Variants in ZNF341 observed in about 807,000 individuals in gnomAD.
ZNF341 encodes zinc finger protein 341.
A neutral mutation model predicts 87.7 loss-of-function variants in ZNF341; 52 were observed. That is an observed-to-expected ratio of 0.59 (90% CI 0.47 to 0.75). The LOEUF (loss-of-function observed/expected upper bound fraction) is 0.75, where lower values mean the gene tolerates loss of function less well. ZNF341 is among the 30% of genes least tolerant of loss of function. ZNF341 has a pLI of 0.00. For synonymous variants in ZNF341, 459 were observed against 472.7 expected (o/e 0.97, Z 0.38); for missense variants, 977 against 1,145.9 (o/e 0.85, Z 2.13).
At chr20:33,770,739 G>A (rs2019513974) in intron 10 of ZNF341, among the ~76,000 whole-genome samples, 6 of 152,096 alleles carry the variant, frequency 3.9e-5, no homozygotes, top group Admixed American at 3.9e-4. Flanking sequence ...CCAGTACTTT[G>A]GGAGGCCAAG....
intron 10 of ZNF341, among the ~76,000 whole-genome samples, chr20:33,780,130 G>A (rs2019711243): frequency 6.6e-6 from 1 of 152,160 alleles, no homozygotes; most frequent in Non-Finnish European, 1.5e-5. Flanking sequence ...GGTGACATTT[G>A]AGCTGAGATA....
intron 3 of ZNF341, among the ~76,000 whole-genome samples, chr20:33,748,216 C>T (rs769714319): frequency 3.9e-5 from 6 of 152,018 alleles, no homozygotes; most frequent in African/African-American, 1.2e-4. Context: ...GGACTACAGG[C>T]GCGCACTACC....
intron 1 of ZNF341, among the ~76,000 whole-genome samples, chr20:33,737,764 G>A (rs1229236694): frequency 2.0e-5 from 3 of 152,114 alleles, no homozygotes; most frequent in Non-Finnish European, 4.4e-5. Flanking sequence ...ACTCATTGGC[G>A]AGTCTACGTG....
At position 33,732,192 on chromosome 20, in the gene ZNF341, G is replaced by A; in HGVS notation, c.31+140G>A. The A allele has an allele frequency of 9.3e-6, 6 of 641,810 alleles. No homozygotes were observed. The highest frequency in any genetic ancestry group is 9.7e-6 in the Non-Finnish European group (5 of 516,842). 39.8% of individuals were successfully genotyped at this position (641,810 alleles called of 1,614,324 possible). A position where few individuals can be genotyped will look rare whatever the true frequency, so the allele number is the denominator to read the frequency against. On this transcript the variant is annotated intron_variant, in intron 1 of 14. Coordinates refer to ENST00000375200, the MANE Select transcript of ZNF341 (RefSeq NM_001282933.2). The surrounding 1 kb of genome is among the most constrained non-coding windows in gnomAD (Gnocchi z 4.5). Reference sequence around the variant, plus strand: ...GCTGGAACAGCCGCGGGGCGGGAGGGGCGCGGGCGGGAACAGCGCGGGAGC... The same window carrying A: ...GCTGGAACAGCCGCGGGGCGGGAGGAGCGCGGGCGGGAACAGCGCGGGAGC...
At chr20:33,767,089 T>C in intron 9 of ZNF341, 48 bp downstream of exon 9, 1 of 1,573,486 alleles carries the variant, frequency 6.4e-7, no homozygotes, top group Non-Finnish European at 8.6e-7. Flanking sequence ...AGTCGAAACC[T>C]TTCACTGGTG....
chr20:33,755,593 T>C (rs1033883321), intron 5 of ZNF341, among the ~76,000 whole-genome samples: 1 of 144,548 alleles, frequency 6.9e-6, no homozygotes, highest in African/African-American at 2.5e-5. Flanking sequence ...GTTGAATTCT[T>C]TTTTTTTTTT....
chr20:33,768,080 A>G (rs1040199490), intron 9 of ZNF341, among the ~76,000 whole-genome samples: 2 of 152,022 alleles, frequency 1.3e-5, no homozygotes, highest in African/African-American at 4.8e-5. Flanking sequence ...TTGGCTAGAA[A>G]GGAGTCACAT....
chr20:33,739,817 G>A (rs925577772), intron 1 of ZNF341, among the ~76,000 whole-genome samples: 1 of 152,160 alleles, frequency 6.6e-6, no homozygotes, highest in Non-Finnish European at 1.5e-5. Flanking sequence ...GGCAGTCTAA[G>A]ATAGGAAGAT....
Position 33,770,088 on chromosome 20 carries a change from A to T in ZNF341, c.1418A>T (p.Tyr473Phe), listed in dbSNP as rs2019495263. ...HMTQHKNEQV[Y>F]KCVVKSCAQT... ...TGCCCAGCGTCTTCCCTCAAGGTGT[A>T]CAAGTGTGTGGTCAAAAGCTGTGCC... The change falls in exon 10 of 15, where the codon TAC (tyrosine) becomes TTC (phenylalanine). Residue 473 changes from tyrosine to phenylalanine, a missense_variant. By Grantham distance (22) the Tyr-to-Phe change is conservative (BLOSUM62 3). Transcript: ENST00000375200. 6.2e-7 allele frequency: 1 copy of T among 1,612,960 alleles called. No individual in the cohort carries two copies. Among genetic ancestry groups the T allele is most frequent in the East Asian group, 2.2e-5 (1 of 44,876 alleles).
chr20:33,789,076 T>C lies in ZNF341; in HGVS notation c.1964+102T>C, dbSNP rs1235719141. 14 of 784,758 alleles carry C rather than the reference T, an allele frequency of 1.8e-5. No individual in the cohort carries two copies. In the Admixed American group the frequency reaches 3.4e-4, roughly 19 times the overall value. The allele number at this position is 784,758 out of a possible 1,614,324, so 48.6% of individuals were successfully genotyped here. A position where few individuals can be genotyped will look rare whatever the true frequency, so the allele number is the denominator to read the frequency against. On this transcript the variant is annotated intron_variant, in intron 13 of 14. Transcript: ENST00000375200. ...GATGTCAGGCCTGAGGGCAGGCCTCTCCTTTTTTTTTTTTTTGGAGACATA... is the reference window on the plus strand; with the variant it reads ...GATGTCAGGCCTGAGGGCAGGCCTCCCCTTTTTTTTTTTTTTGGAGACATA...
intron 1 of ZNF341, among the ~76,000 whole-genome samples, chr20:33,734,004 AGGCTGTTT>A (rs1305723770): frequency 1.3e-5 from 2 of 152,216 alleles, no homozygotes; most frequent in Non-Finnish European, 2.9e-5. Context: ...CTTTCTCTTT[AGGCTGTTT>A]GGACTTCCTC....
intron 9 of ZNF341, 86 bp from the exon 10 acceptor site, chr20:33,769,998 G>A: frequency 1.2e-6 from 1 of 838,636 alleles, no homozygotes; most frequent in South Asian, 1.5e-5. Flanking sequence ...TTTACCATCA[G>A]TGTCCAAGGC....
chr20:33,743,335 ATT>A (rs143611794), intron 2 of ZNF341, among the ~76,000 whole-genome samples: 26,271 of 107,108 alleles, frequency 0.25, 2,781 homozygotes, highest in East Asian at 0.44. Flanking sequence ...ACCCTGCCCA[ATT>A]TTTTTTTTTT....
intron 8 of ZNF341, among the ~76,000 whole-genome samples, chr20:33,766,620 C>T (rs755853431): frequency 7.9e-5 from 12 of 152,124 alleles, no homozygotes; most frequent in East Asian, 7.7e-4. Flanking sequence ...AGGGGAGGCT[C>T]GAGGCAGCAG....
chr20:33,736,215 GC>G (rs1325181118), intron 1 of ZNF341, among the ~76,000 whole-genome samples: 1 of 149,500 alleles, frequency 6.7e-6, no homozygotes, highest in Non-Finnish European at 1.5e-5. Context: ...CTACCTTCTG[GC>G]CCTCCTCCCC....
intron 1 of ZNF341, among the ~76,000 whole-genome samples, chr20:33,739,280 T>C (rs1429540898): frequency 6.6e-6 from 1 of 152,192 alleles, no homozygotes; most frequent in Non-Finnish European, 1.5e-5. Flanking sequence ...AGATAACTGG[T>C]CTGATGGTTT....
rs2019046736 is a variant in ZNF341 at position 33,751,159 on chromosome 20, T to G, written c.490-2013T>G. 2.0e-5 allele frequency among the ~76,000 whole-genome samples: 3 copies of G among 152,300 alleles called. No individual in the cohort carries two copies. The South Asian group carries it at 6.2e-4, about 32-fold the overall frequency. On this transcript the variant is annotated intron_variant, in intron 4 of 14. Transcript: ENST00000375200. ...AGCCAAGTTTCTATGTATAGACATGTAGGTCATTGCTGTTTTTTGCTTTTA... is the reference window on the plus strand; with the variant it reads ...AGCCAAGTTTCTATGTATAGACATGGAGGTCATTGCTGTTTTTTGCTTTTA...
intron 8 of ZNF341, among the ~76,000 whole-genome samples, chr20:33,762,999 C>G (rs2019328257): frequency 6.6e-6 from 1 of 152,106 alleles, no homozygotes; most frequent in Admixed American, 6.6e-5. Flanking sequence ...ATTTGACAGC[C>G]ACCATAGTAA....
At chr20:33,758,866 T>C (rs2019235713) in intron 7 of ZNF341, 60 bp downstream of exon 7, 1 of 1,462,416 alleles carries the variant, frequency 6.8e-7, no homozygotes, top group Non-Finnish European at 9.6e-7. Flanking sequence ...CCATCTGTGC[T>C]GGAAGCGAGA....
Sources: allele counts gnomAD v4.1 joint callset (sites outside exome capture counted in the v4.1 genomes callset), GRCh38; gene constraint gnomAD v4.1.1; non-coding constraint Gnocchi (gnomAD v3.1); transcripts MANE v1.5; gene names NCBI Gene and HGNC (gene_info 2026-07-23, HGNC 2026-07-21).